The following MCM2 variants were observed in gnomAD, a reference collection of about 807,000 sequenced individuals.
The protein encoded by MCM2 is minichromosome maintenance complex component 2.
Under a neutral mutation model 86.4 loss-of-function variants are expected in MCM2, and 49 were observed. That is an observed-to-expected ratio of 0.57 (90% CI 0.45 to 0.72). MCM2 has a LOEUF of 0.72. MCM2 is among the 30% of genes least tolerant of loss of function. MCM2 has a pLI of 0.00. For missense variants in MCM2, 1,038 were observed against 1,259.9 expected (o/e 0.82, Z 2.67); for synonymous variants, 475 against 484.6 (o/e 0.98, Z 0.26).
chr3:127,619,718 C>G (rs1400375845), intron 13 of MCM2, among the ~76,000 whole-genome samples: 1 of 152,040 alleles, frequency 6.6e-6, no homozygotes, highest in Non-Finnish European at 1.5e-5. Flanking sequence ...TACAGTGATT[C>G]ATGCCTGTAA....
At chr3:127,614,026 C>G (rs990326730) in intron 8 of MCM2, among the ~76,000 whole-genome samples, 1 of 152,148 alleles carries the variant, frequency 6.6e-6, no homozygotes, top group African/African-American at 2.4e-5. Context: ...GCCTGATCAC[C>G]CCTTAAAGGT....
chr3:127,601,359 T>G (rs967376944), intron 2 of MCM2, among the ~76,000 whole-genome samples: 1 of 152,110 alleles, frequency 6.6e-6, no homozygotes, highest in Non-Finnish European at 1.5e-5. Context: ...GGTCGTGTTT[T>G]TTTGTTTGTT....
In MCM2 at chr3:127,605,022, A is replaced by C. The variant is rs753779046; in HGVS notation, c.539A>C (p.His180Pro). The change falls in exon 4 of 16, where the codon CAC becomes CCC. Residue 180 changes from histidine (H) to proline (P), a missense_variant. By Grantham distance (77) the His-to-Pro change is moderately conservative. This residue lies in a region of MCM2 where 300 missense variants were observed against 307.4 expected (regional missense o/e 0.98). Coordinates refer to ENST00000265056, the MANE Select transcript of MCM2 (RefSeq NM_004526.4). ...SIENLEDLKGHSVREWVSMAG... is the reference protein window; with the variant it reads ...SIENLEDLKGPSVREWVSMAG... ...GAGAACCTGGAGGATCTCAAAGGCC[A>C]CTCTGTGCGCGAGTGGGTGAGCATG... The C allele has an allele frequency of 1.9e-6, 3 of 1,614,066 alleles. No individual in the cohort carries two copies. The highest frequency in any genetic ancestry group is 2.5e-6 in the Non-Finnish European group (3 of 1,179,954).
intron 2 of MCM2, among the ~76,000 whole-genome samples, chr3:127,602,162 CTTTTTTTTT>C (rs201744525): frequency 7.8e-6 from 1 of 127,948 alleles, no homozygotes; most frequent in Non-Finnish European, 1.7e-5. Flanking sequence ...TCCAGTTTAA[CTTTTTTTTT>C]TTTTTTTTTT....
chr3:127,614,999 C>G (rs1232894215), intron 8 of MCM2, among the ~76,000 whole-genome samples: 2 of 152,230 alleles, frequency 1.3e-5, no homozygotes, highest in Non-Finnish European at 2.9e-5. Context: ...AGAGACACCT[C>G]TAAAGCTGCA....
At chr3:127,598,650 G>A (rs2074276750) in intron 1 of MCM2, among the ~76,000 whole-genome samples, 178 bp downstream of exon 1, 1 of 152,122 alleles carries the variant, frequency 6.6e-6, no homozygotes, top group South Asian at 2.1e-4. Flanking sequence ...ACCTACCACT[G>A]ACCTGGGGCC....
In MCM2 at chr3:127,606,687, T is replaced by C; in HGVS notation, c.971T>C (p.Met324Thr). ...SCTGVLPQLS[M>T]VKYNCNKCNF... ...ACTGGCGTCCTGCCCCAGCTCAGCATGGTCAAGTACAACTGCAACAAGTGC... is the reference window on the plus strand; with the variant it reads ...ACTGGCGTCCTGCCCCAGCTCAGCACGGTCAAGTACAACTGCAACAAGTGC... Residue 324 changes from methionine to threonine, a missense_variant, in exon 6 of 16, where the codon ATG becomes ACG. Coordinates refer to ENST00000265056, the MANE Select transcript of MCM2 (RefSeq NM_004526.4). This position sits in a 1 kb window ranked among gnomAD's most constrained non-coding sequence, Gnocchi z 4.2. 6.2e-7 allele frequency: 1 copy of C among 1,614,258 alleles called. No homozygotes were observed. Among genetic ancestry groups the C allele is most frequent in the Non-Finnish European group, 8.5e-7 (1 of 1,180,052 alleles).
Position 127,618,006 on chromosome 3 carries a change from C to T in MCM2, c.1938C>T (p.Asn646=), listed in dbSNP as rs377306111. ...RYDPSLTFSE[N]VDLTEPIISR... ...ACCCCTCGCTGACTTTCTCTGAGAA[C>T]GTGGACCTCACAGAGCCCATCATCT... The change falls in exon 12 of 16, where the codon AAC becomes AAT. Residue 646 remains asparagine, a synonymous_variant. Coordinates refer to ENST00000265056, the MANE Select transcript of MCM2 (RefSeq NM_004526.4). The surrounding 1 kb of genome is among the most constrained non-coding windows in gnomAD (Gnocchi z 4.0). The T allele has an allele frequency of 3.2e-5, 52 of 1,613,964 alleles. No homozygotes were observed. Among genetic ancestry groups the T allele is most frequent in the Admixed American group, 2.0e-4 (12 of 60,002 alleles).
chr3:127,621,026 G>T, intron 14 of MCM2, 47 bp from the exon 15 acceptor site: 1 of 1,605,060 alleles, frequency 6.2e-7, no homozygotes, highest in Non-Finnish European at 8.5e-7. Flanking sequence ...AGGGAGTGTG[G>T]CAGGCGTAGT....
chr3:127,599,669 A>T, intron 2 of MCM2, 122 bp downstream of exon 2: 2 of 836,572 alleles, frequency 2.4e-6, no homozygotes, highest in Non-Finnish European at 3.7e-6. Flanking sequence ...CTTTGAGCAC[A>T]GCTTGATCCA....
intron 8 of MCM2, among the ~76,000 whole-genome samples, chr3:127,611,545 C>T (rs565477155): frequency 6.6e-6 from 1 of 152,150 alleles, no homozygotes; most frequent in Non-Finnish European, 1.5e-5. Context: ...ATGGAGGCAG[C>T]CCTACCCCGC....
At chr3:127,616,344 C>A (rs190472663) in intron 9 of MCM2, among the ~76,000 whole-genome samples, 1 of 152,282 alleles carries the variant, frequency 6.6e-6, no homozygotes, top group Admixed American at 6.5e-5. Flanking sequence ...TCCCCATTGA[C>A]CCCCACTTCT....
intron 6 of MCM2, among the ~76,000 whole-genome samples, chr3:127,607,784 G>A (rs767838642): frequency 7.2e-5 from 11 of 152,170 alleles, no homozygotes; most frequent in Admixed American, 1.3e-4. Context: ...CCACTTTGCC[G>A]AGTGTTTAGA....
intron 2 of MCM2, chr3:127,604,359 T>C: frequency 2.1e-6 from 1 of 481,342 alleles, no homozygotes; most frequent in South Asian, 3.5e-5. Flanking sequence ...TCAAGGTTCA[T>C]CCATGTGCCA....
chr3:127,610,868 T>C (rs1342860071), intron 8 of MCM2: 3 of 456,738 alleles, frequency 6.6e-6, no homozygotes, highest in South Asian at 4.6e-5. Context: ...TGCGAAGATC[T>C]GGGGTTCCCA....
chr3:127,619,472 G>A (rs2074459842), intron 13 of MCM2, among the ~76,000 whole-genome samples, 194 bp downstream of exon 13: 1 of 152,154 alleles, frequency 6.6e-6, no homozygotes, highest in Non-Finnish European at 1.5e-5. Context: ...GCCGAGGCAG[G>A]AGGATCACGA....
At chr3:127,609,980 G>A (rs1458326118) in intron 8 of MCM2, among the ~76,000 whole-genome samples, 2 of 151,262 alleles carry the variant, frequency 1.3e-5, no homozygotes, top group African/African-American at 4.9e-5. Flanking sequence ...GAGTAGCTGG[G>A]ATTACAGGCA....
intron 8 of MCM2, among the ~76,000 whole-genome samples, chr3:127,615,261 A>T (rs74732788): frequency 6.6e-6 from 1 of 152,180 alleles, no homozygotes; most frequent in Non-Finnish European, 1.5e-5. Context: ...TACAAGCAAG[A>T]AATGTCTTTG....
At position 127,619,143 on chromosome 3, in the gene MCM2, T is replaced by C. The variant is rs749555620; in HGVS notation, c.2130T>C (p.Tyr710=). Residue 710 remains tyrosine (Y), a synonymous_variant, in exon 13 of 16, where the codon TAT becomes TAC. Coordinates refer to ENST00000265056, the MANE Select transcript of MCM2 (RefSeq NM_004526.4). ...SAAEPAMPNT[Y]GVEPLPQEVL... is the part of the protein sequence containing the mutation. ...CTGAGCCCGCCATGCCCAACACGTATGGCGTGGAGCCCCTGCCCCAGGAGG... is the reference window on the plus strand; with the variant it reads ...CTGAGCCCGCCATGCCCAACACGTACGGCGTGGAGCCCCTGCCCCAGGAGG... 6.2e-7 allele frequency: 1 copy of C among 1,614,106 alleles called. No individual in the cohort carries two copies. Among genetic ancestry groups the C allele is most frequent in the South Asian group, 1.1e-5 (1 of 91,092 alleles).
Sources: gnomAD v4.1 joint callset for allele counts (sites outside exome capture counted in the v4.1 genomes callset) on GRCh38, gnomAD v4.1.1 for gene constraint, gnomAD v4.1.1 regional missense constraint, Gnocchi (gnomAD v3.1) non-coding constraint, MANE v1.5 for transcripts, NCBI Gene and HGNC (gene_info 2026-07-23, HGNC 2026-07-21) for gene names.